The following FOXP2 variants were observed in gnomAD, a reference collection of about 807,000 sequenced individuals.
FOXP2 encodes the protein forkhead box P2, also known as forkhead box protein P2.
In FOXP2, 12 loss-of-function variants were observed where a neutral mutation model predicts 115.8. The ratio of observed to expected loss-of-function variants is 0.10; its 90% confidence interval spans 0.07 to 0.17. The LOEUF (loss-of-function observed/expected upper bound fraction) is 0.17. Ranked by LOEUF, FOXP2 falls within the 10% of genes least tolerant of loss-of-function variation. The probability of loss-of-function intolerance (pLI) is 1.00; values close to 1 mark genes in which losing one functional copy is unlikely to be tolerated. For synonymous variants in FOXP2, 328 were observed against 297.7 expected (o/e 1.10, Z -1.05); for missense variants, 629 against 843.5 (o/e 0.75, Z 3.15).
chr7:114,404,103 A>T (rs1371521633), intron 2 of FOXP2, among the ~76,000 whole-genome samples: 1 of 152,128 alleles, frequency 6.6e-6, no homozygotes, highest in African/African-American at 2.4e-5. Flanking sequence ...ATGGGTAAAC[A>T]GCACAGGTAG....
chr7:114,468,831 C>T (rs1795921651), intron 2 of FOXP2, among the ~76,000 whole-genome samples: 1 of 152,078 alleles, frequency 6.6e-6, no homozygotes, highest in Non-Finnish European at 1.5e-5. Context: ...CAATTCTCAT[C>T]AGTTAACACA....
intron 1 of FOXP2, among the ~76,000 whole-genome samples, chr7:114,168,279 G>A (rs1793036675): frequency 6.6e-6 from 1 of 152,144 alleles, no homozygotes. Flanking sequence ...AGGAAAATGT[G>A]GGAAAGTTCT....
chr7:114,149,281 C>G (rs1416201668), intron 1 of FOXP2, among the ~76,000 whole-genome samples: 2 of 151,904 alleles, frequency 1.3e-5, no homozygotes, highest in Non-Finnish European at 2.9e-5. Flanking sequence ...TTACCAGTTA[C>G]TTGTGAACAG....
At chr7:114,686,946 T>G (rs1390496982) in intron 16 of FOXP2, among the ~76,000 whole-genome samples, 1 of 152,166 alleles carries the variant, frequency 6.6e-6, no homozygotes, top group Non-Finnish European at 1.5e-5. Context: ...CCAAATGTTT[T>G]TTGAATTTGC....
chr7:114,349,721 A>G (rs1315641673), intron 2 of FOXP2, among the ~76,000 whole-genome samples: 3 of 151,716 alleles, frequency 2.0e-5, no homozygotes, highest in African/African-American at 7.3e-5. Flanking sequence ...ATGTATTAGC[A>G]TGTTTTATAG....
chr7:114,217,909 T>C (rs1361204915), intron 1 of FOXP2, among the ~76,000 whole-genome samples: 2 of 152,168 alleles, frequency 1.3e-5, no homozygotes, highest in East Asian at 1.9e-4. Context: ...ATCCCAATAG[T>C]GTTGTCTACT....
At chr7:114,191,406 T>C (rs890095130) in intron 1 of FOXP2, among the ~76,000 whole-genome samples, 2 of 152,126 alleles carry the variant, frequency 1.3e-5, no homozygotes, top group African/African-American at 4.8e-5. Flanking sequence ...TACATATACC[T>C]ATTTGTTCTA....
chr7:114,460,537 A>G lies in FOXP2; in HGVS notation c.168+33858A>G, dbSNP rs144924313. Among the ~76,000 whole-genome samples the G allele has an allele frequency of 1.7e-4, 26 of 152,330 alleles. No individual in the cohort carries two copies. The East Asian group carries it at 4.0e-3, about 24-fold the overall frequency. On this transcript the variant is annotated intron_variant, in intron 2 of 16. Transcript: ENST00000350908. ...CTGTAGTGCAGAGGTAAGAATGTTG[A>G]CAGGGATTCATGTCACAGGTCTTAA...
chr7:114,436,536 A>T lies in FOXP2; in HGVS notation c.168+9857A>T, dbSNP rs575910633. Among the ~76,000 whole-genome samples, 4 of 151,418 alleles carry T rather than the reference A, an allele frequency of 2.6e-5. No individual in the cohort carries two copies. In the South Asian group the frequency reaches 8.3e-4, roughly 31 times the overall value. On this transcript the variant is annotated intron_variant, in intron 2 of 16. Coordinates refer to ENST00000350908, the MANE Select transcript of FOXP2 (RefSeq NM_014491.4). Reference sequence around the variant, plus strand: ...AGCAAATTTATTAATTTACTAAATAAGTATTTATTTAATACCTACTGTGTA... The same window carrying T: ...AGCAAATTTATTAATTTACTAAATATGTATTTATTTAATACCTACTGTGTA...
chr7:114,435,946 T>C (rs1441224190), intron 2 of FOXP2, among the ~76,000 whole-genome samples: 1 of 152,150 alleles, frequency 6.6e-6, no homozygotes, highest in East Asian at 1.9e-4. Flanking sequence ...TTTACCATAG[T>C]TTGGCCTAGG....
intron 16 of FOXP2, among the ~76,000 whole-genome samples, chr7:114,679,238 T>G (rs572629036): frequency 1.3e-5 from 2 of 152,128 alleles, no homozygotes; most frequent in South Asian, 4.2e-4. Flanking sequence ...GTGCTGGGAT[T>G]ACAGGCGTGA....
chr7:114,292,517 T>A (rs998898313), intron 2 of FOXP2, among the ~76,000 whole-genome samples: 6 of 152,188 alleles, frequency 3.9e-5, no homozygotes, highest in African/African-American at 1.4e-4. Flanking sequence ...CTGATATGTA[T>A]ACCTTTAACT....
At chr7:114,535,884 G>T (rs2129277960) in intron 3 of FOXP2, among the ~76,000 whole-genome samples, 1 of 151,608 alleles carries the variant, frequency 6.6e-6, no homozygotes, top group Non-Finnish European at 1.5e-5. Context: ...CTGAGTTTAA[G>T]ATTCTTTTCA....
intron 3 of FOXP2, among the ~76,000 whole-genome samples, chr7:114,604,278 T>A (rs1276267392): frequency 6.6e-6 from 1 of 152,116 alleles, no homozygotes; most frequent in African/African-American, 2.4e-5. Flanking sequence ...TCATAAACCC[T>A]CCACCCTCAT....
intron 2 of FOXP2, among the ~76,000 whole-genome samples, chr7:114,505,851 A>T (rs1301261940): frequency 6.6e-6 from 1 of 151,698 alleles, no homozygotes; most frequent in African/African-American, 2.4e-5. Flanking sequence ...TTGGGAACAT[A>T]GTAGTAGACC....
chr7:114,100,290 A>G (rs914330246), intron 1 of FOXP2, among the ~76,000 whole-genome samples: 5 of 152,086 alleles, frequency 3.3e-5, no homozygotes, highest in African/African-American at 1.2e-4. Context: ...TTCTTTATGT[A>G]TTAATATTCA....
chr7:114,521,839 G>C (rs1487566355), intron 2 of FOXP2, among the ~76,000 whole-genome samples: 1 of 152,128 alleles, frequency 6.6e-6, no homozygotes, highest in East Asian at 1.9e-4. Flanking sequence ...GTAAAGGTCT[G>C]TAAAGGAGCT....
intron 16 of FOXP2, 136 bp downstream of exon 16, chr7:114,664,572 C>A: frequency 2.0e-6 from 2 of 1,012,540 alleles, no homozygotes; most frequent in African/African-American, 1.6e-5. Flanking sequence ...ATACCACGTT[C>A]ATAATATGAC....
At chr7:114,190,061 C>A (rs1048669503) in intron 1 of FOXP2, among the ~76,000 whole-genome samples, 1 of 152,186 alleles carries the variant, frequency 6.6e-6, no homozygotes, top group African/African-American at 2.4e-5. Flanking sequence ...AGGACCCAGA[C>A]ATCACAAGGA....
Sources: gnomAD v4.1 joint callset for allele counts (sites outside exome capture counted in the v4.1 genomes callset) on GRCh38, gnomAD v4.1.1 for gene constraint, MANE v1.5 for transcripts, NCBI Gene and HGNC (gene_info 2026-07-23, HGNC 2026-07-21) for gene names.